Variants in LETM1 observed in about 807,000 individuals in gnomAD.
LETM1 encodes the protein leucine zipper and EF-hand containing transmembrane protein 1, also known as mitochondrial proton/calcium exchanger protein.
In LETM1, 50 loss-of-function variants were observed where a neutral mutation model predicts 74.5. The observed-to-expected ratio is 0.67, with a 90% CI of 0.53 to 0.85. The LOEUF is 0.85. Among genes scored for constraint, LETM1 ranks in the 40% least tolerant of loss-of-function variants. The pLI, the probability that LETM1 is intolerant of heterozygous loss-of-function variation, is 0.00. For synonymous variants in LETM1, 446 were observed against 407.1 expected (o/e 1.10, Z -1.15); for missense variants, 824 against 967.8 (o/e 0.85, Z 1.97).
intron 1 of LETM1, among the ~76,000 whole-genome samples, chr4:1,854,662 G>T (rs1055193817): frequency 1.3e-5 from 2 of 151,806 alleles, no homozygotes; most frequent in Admixed American, 6.6e-5. Context: ...TCGTGATGGC[G>T]GGTGCCTATA....
chr4:1,843,853 G>A (rs563979494), intron 2 of LETM1, among the ~76,000 whole-genome samples: 13 of 152,198 alleles, frequency 8.5e-5, no homozygotes, highest in Non-Finnish European at 1.8e-4. Flanking sequence ...CGTGCCGAGA[G>A]CCGAGCCACA....
intron 3 of LETM1, among the ~76,000 whole-genome samples, chr4:1,839,539 C>T (rs1317994293): frequency 2.6e-5 from 4 of 152,148 alleles, no homozygotes; most frequent in South Asian, 2.1e-4. Flanking sequence ...AATTCAGTGG[C>T]GAGGTGCGCC....
intron 3 of LETM1, among the ~76,000 whole-genome samples, chr4:1,840,560 G>A (rs1015725611): frequency 1.3e-5 from 2 of 151,210 alleles, no homozygotes; most frequent in African/African-American, 2.4e-5. Context: ...CCAGCTACTC[G>A]GGAGGCTGAG....
chr4:1,828,213 C>T (rs1186057530), intron 6 of LETM1, among the ~76,000 whole-genome samples: 3 of 126,062 alleles, frequency 2.4e-5, no homozygotes, highest in African/African-American at 3.0e-5. Flanking sequence ...GGCGGCTGGC[C>T]GGGCGGGGGG....
chr4:1,814,402 A>G lies in LETM1; in HGVS notation c.*22T>C, dbSNP rs377489540. 3 of 1,614,150 alleles carry G rather than the reference A, an allele frequency of 1.9e-6. No homozygotes were observed. The highest frequency in any genetic ancestry group is 2.7e-5 in the African/African-American group (2 of 75,074). ...GCCAGGGTGACGGCACAGCAGGAGG[A>G]CAGGTGCCCAGGCCAGTGGTTCTAG... is the stretch of plus-strand genomic sequence containing the variant. On this transcript the variant is annotated 3_prime_UTR_variant, in exon 14 of 14. Coordinates refer to ENST00000302787, the MANE Select transcript of LETM1 (RefSeq NM_012318.3).
chr4:1,815,673 G>A lies in LETM1; in HGVS notation c.2061C>T (p.Asp687=). The A allele has an allele frequency of 6.2e-7, 1 of 1,614,212 alleles. No individual in the cohort carries two copies. Among genetic ancestry groups the A allele is most frequent in the Non-Finnish European group, 8.5e-7 (1 of 1,180,018 alleles). ...ENKDGKVNID[D]LVKVIELVDK... ...CCCCAGCGAGGCCCACCTTGACGAG[G>A]TCGTCGATGTTGACCTTGCCATCCT... The change falls in exon 13 of 14, where the codon GAC becomes GAT. Residue 687 remains aspartate, a synonymous_variant. Coordinates refer to ENST00000302787, the MANE Select transcript of LETM1 (RefSeq NM_012318.3).
At chr4:1,835,403 C>T (rs1054381327) in intron 4 of LETM1, among the ~76,000 whole-genome samples, 2 of 152,014 alleles carry the variant, frequency 1.3e-5, no homozygotes, top group African/African-American at 2.4e-5. Context: ...TGCACCACTG[C>T]ACTCTCCAGC....
rs553971908 is a variant in LETM1 at position 1,838,964 on chromosome 4, T to TA, written c.594+2382dup. ...AAGTGAGATTCCATCTCTTTTAAAT[T>TA]AAAAAATTAATTTAAAATAAACTAA... On this transcript the variant is annotated intron_variant, in intron 3 of 13. Coordinates refer to ENST00000302787, the MANE Select transcript of LETM1 (RefSeq NM_012318.3). Among the ~76,000 whole-genome samples the TA allele has an allele frequency of 1.1e-3, 164 of 152,208 alleles. 2 individuals are homozygous for TA. The Middle Eastern group carries it at 0.017, about 16-fold the overall frequency.
chr4:1,828,515 C>CA (rs1712108046), intron 6 of LETM1, among the ~76,000 whole-genome samples: 1 of 128,360 alleles, frequency 7.8e-6, no homozygotes, highest in East Asian at 2.4e-4. Flanking sequence ...CTGACCCCCC[C>CA]CCCCACCTCC....
chr4:1,840,527 C>T (rs892873735), intron 3 of LETM1, among the ~76,000 whole-genome samples: 1 of 150,094 alleles, frequency 6.7e-6, no homozygotes, highest in Admixed American at 6.6e-5. Context: ...ATTAGCCGGG[C>T]GTGGTGGCGG....
rs552275840 is a variant in LETM1 at position 1,849,557 on chromosome 4, C to G, written c.83-348G>C. On this transcript the variant is annotated intron_variant, in intron 1 of 13. Transcript: ENST00000302787. ...TGCTGGGATTACAGGCATGAGCCACCGTGCTCAGCCTTTTGTTCATTTTGA... is the reference window on the plus strand; with the variant it reads ...TGCTGGGATTACAGGCATGAGCCACGGTGCTCAGCCTTTTGTTCATTTTGA... Among the ~76,000 whole-genome samples the G allele has an allele frequency of 6.5e-4, 99 of 152,276 alleles. 1 individual carries two copies. The highest frequency in any genetic ancestry group is 2.0e-3 in the Admixed American group (30 of 15,286).
Position 1,823,699 on chromosome 4 carries a change from G to A in LETM1, c.1277C>T (p.Thr426Ile). 3 of 1,613,996 alleles carry A rather than the reference G, an allele frequency of 1.9e-6. No individual in the cohort carries two copies. The highest frequency in any genetic ancestry group is 2.5e-6 in the Non-Finnish European group (3 of 1,179,960). ...CTTGAGCTGGTCGGCTGGAGAGAGGGTGTCCGGGAGGTACATGGCCCGGGA... is the reference window on the plus strand; with the variant it reads ...CTTGAGCTGGTCGGCTGGAGAGAGGATGTCCGGGAGGTACATGGCCCGGGA... Reference protein sequence around the residue: ...ILSRAMYLPDTLSPADQLKST... With the variant: ...ILSRAMYLPDILSPADQLKST... Residue 426 changes from threonine to isoleucine, a missense_variant, in exon 8 of 14, where the codon ACC (threonine) becomes ATC (isoleucine). This residue lies in a region of LETM1 where 172 missense variants were observed against 170.7 expected (regional missense o/e 1.01). Coordinates refer to ENST00000302787, the MANE Select transcript of LETM1 (RefSeq NM_012318.3).
At position 1,819,423 on chromosome 4, in the gene LETM1, G is replaced by A; in HGVS notation, c.1658C>T (p.Ser553Phe). ...EEIDILSDACSKLQEQKKSLT... is the reference protein window; with the variant it reads ...EEIDILSDACFKLQEQKKSLT... ...TGACTTCTTCTGCTCCTGCAGCTTAGAGCAGGCATCGCTGAGGATGTCGAT... is the reference window on the plus strand; with the variant it reads ...TGACTTCTTCTGCTCCTGCAGCTTAAAGCAGGCATCGCTGAGGATGTCGAT... Residue 553 changes from serine (S) to phenylalanine (F), a missense_variant, in exon 11 of 14, where the codon TCT (serine) becomes TTT (phenylalanine). Transcript: ENST00000302787. 6.2e-7 allele frequency: 1 copy of A among 1,613,790 alleles called. No individual in the cohort carries two copies. Among genetic ancestry groups the A allele is most frequent in the South Asian group, 1.1e-5 (1 of 91,014 alleles).
At chr4:1,817,383 T>A (rs1032999740) in intron 11 of LETM1, among the ~76,000 whole-genome samples, 14 of 151,670 alleles carry the variant, frequency 9.2e-5, no homozygotes, top group African/African-American at 3.2e-4. Context: ...ATAGCAAGAC[T>A]TTATCTCTAC....
In LETM1 at chr4:1,848,684, C is replaced by G. The variant is rs1326997055; in HGVS notation, c.143+465G>C. ...TGAGCCAAGCATGTGCCACTGCACT[C>G]CAGTCTGGGTGACAGAGCAAGGCTC... On this transcript the variant is annotated intron_variant, in intron 2 of 13. Coordinates refer to ENST00000302787, the MANE Select transcript of LETM1 (RefSeq NM_012318.3). Among the ~76,000 whole-genome samples, 3 of 142,754 alleles carry G rather than the reference C, an allele frequency of 2.1e-5. No individual in the cohort carries two copies. In the Admixed American group the frequency reaches 2.2e-4, roughly 11 times the overall value. The allele number at this position is 142,754 out of a possible 152,430, so 93.7% of individuals were successfully genotyped here.
intron 5 of LETM1, chr4:1,833,438 G>C (rs1055295950): frequency 1.1e-5 from 2 of 175,710 alleles, no homozygotes; most frequent in African/African-American, 4.7e-5. Flanking sequence ...TCTGCTGGGG[G>C]AGACGCCCGG....
intron 3 of LETM1, among the ~76,000 whole-genome samples, chr4:1,840,206 CT>C (rs898844284): frequency 6.6e-6 from 1 of 152,060 alleles, no homozygotes; most frequent in African/African-American, 2.4e-5. Context: ...GGTGAAACCC[CT>C]CTCTACTAAA....
In LETM1 at chr4:1,822,138, A is replaced by G. The variant is rs1711801215; in HGVS notation, c.1608+43T>C. 28 of 1,361,286 alleles carry G rather than the reference A, an allele frequency of 2.1e-5. No homozygotes were observed. The East Asian group carries it at 7.4e-4, about 36-fold the overall frequency. The allele number at this position is 1,361,286 out of a possible 1,614,324, so 84.3% of individuals were successfully genotyped here. A position where few individuals can be genotyped will look rare whatever the true frequency, so the allele number is the denominator to read the frequency against. ...CCACAACTGTCCACAAAGCCAGGCC[A>G]TGCCCTCCTCAGCCTCCAGGGCCCC... On this transcript the variant is annotated intron_variant, in intron 10 of 13. Coordinates refer to ENST00000302787, the MANE Select transcript of LETM1 (RefSeq NM_012318.3).
intron 7 of LETM1, among the ~76,000 whole-genome samples, chr4:1,824,878 C>G (rs915167712): frequency 6.6e-6 from 1 of 152,224 alleles, no homozygotes; most frequent in Non-Finnish European, 1.5e-5. Flanking sequence ...GGGGGTGCCA[C>G]AGGATCACGC....
Sources: allele counts gnomAD v4.1 joint callset (sites outside exome capture counted in the v4.1 genomes callset), GRCh38; gene constraint gnomAD v4.1.1; regional missense constraint gnomAD v4.1.1; transcripts MANE v1.5; gene names NCBI Gene and HGNC (gene_info 2026-07-23, HGNC 2026-07-21).